The following CTNNBL1 variants were observed in gnomAD, a reference collection of about 807,000 sequenced individuals.
CTNNBL1 encodes the protein beta-catenin-like protein 1.
CTNNBL1 carries 31 observed loss-of-function variants against 72.7 expected under a neutral mutation model. That is an observed-to-expected ratio of 0.43 (90% CI 0.32 to 0.58). The LOEUF (loss-of-function observed/expected upper bound fraction) is 0.58, where lower values mean the gene tolerates loss of function less well. CTNNBL1 is among the 20% of genes least tolerant of loss of function. The pLI is 0.08. For synonymous variants in CTNNBL1, 240 were observed against 267.3 expected, an observed-to-expected ratio of 0.90 and a Z score of 1.00; for missense variants, 534 against 725.1, an observed-to-expected ratio of 0.74 and a Z score of 3.03.
At chr20:37,734,153 T>A (rs1003443517) in intron 2 of CTNNBL1, among the ~76,000 whole-genome samples, 1 of 152,218 alleles carries the variant, frequency 6.6e-6, no homozygotes, top group African/African-American at 2.4e-5. Context: ...CAAAATGAGG[T>A]TGGCTGTGAA....
chr20:37,803,147 G>T, intron 11 of CTNNBL1, 99 bp downstream of exon 11: 1 of 1,016,356 alleles, frequency 9.8e-7, no homozygotes. Context: ...GGGGGATAGA[G>T]GGGAAGAGTG....
chr20:37,826,344 A>T (rs2072159704), intron 11 of CTNNBL1, among the ~76,000 whole-genome samples: 2 of 152,252 alleles, frequency 1.3e-5, no homozygotes, highest in Non-Finnish European at 2.9e-5. Flanking sequence ...CAGTGAAAAC[A>T]AGTGAGTTAA....
At chr20:37,860,809 A>G (rs2072485037) in intron 15 of CTNNBL1, among the ~76,000 whole-genome samples, 1 of 152,236 alleles carries the variant, frequency 6.6e-6, no homozygotes, top group African/African-American at 2.4e-5. Flanking sequence ...GGCCACATTC[A>G]TATAACTTTT....
chr20:37,843,055 C>T (rs533574389), intron 13 of CTNNBL1, among the ~76,000 whole-genome samples: 1 of 152,312 alleles, frequency 6.6e-6, no homozygotes, highest in East Asian at 1.9e-4. Context: ...TGTTTTTCAC[C>T]TCCTTCCGTT....
intron 10 of CTNNBL1, among the ~76,000 whole-genome samples, chr20:37,794,524 G>T (rs1477729286): frequency 6.6e-6 from 1 of 152,004 alleles, no homozygotes; most frequent in African/African-American, 2.4e-5. Context: ...AGATAGTCTC[G>T]CTCTGTCACT....
chr20:37,803,816 T>C (rs1188615432), intron 11 of CTNNBL1, among the ~76,000 whole-genome samples: 1 of 151,774 alleles, frequency 6.6e-6, no homozygotes, highest in Non-Finnish European at 1.5e-5. Flanking sequence ...ACTGGCTCAT[T>C]TGGCTGTTTT....
intron 6 of CTNNBL1, 81 bp downstream of exon 6, chr20:37,765,371 A>G (rs999214111): frequency 3.3e-6 from 3 of 919,274 alleles, no homozygotes; most frequent in Admixed American, 4.0e-5. Flanking sequence ...TTCCTTCTTC[A>G]TAATAGAGTC....
intron 3 of CTNNBL1, among the ~76,000 whole-genome samples, chr20:37,745,848 C>T (rs1568761042): frequency 6.6e-6 from 1 of 152,126 alleles, no homozygotes; most frequent in Non-Finnish European, 1.5e-5. Flanking sequence ...TTCTTAGTGC[C>T]TGGGCATAGG....
rs535666882 is a variant in CTNNBL1 at position 37,859,926 on chromosome 20, G to A, written c.1420G>A (p.Asp474Asn). The change falls in exon 14 of 16, where the codon GAC (aspartate) becomes AAC (asparagine). Residue 474 changes from aspartate to asparagine, a missense_variant. Transcript: ENST00000361383. ...CATGGTCCGGCGAGGAGAGATCATC[G>A]ACAATGACACCGAGGAGGAGTTCTA... ...HDMVRRGEII[D>N]NDTEEEFYLR... The A allele has an allele frequency of 4.1e-5, 66 of 1,614,072 alleles. No individual in the cohort carries two copies. In the Middle Eastern group the frequency reaches 4.9e-4, roughly 12 times the overall value.
At position 37,803,047 on chromosome 20, in the gene CTNNBL1, A is replaced by C; in HGVS notation, c.1212A>C (p.Glu404Asp). 2.5e-6 allele frequency: 4 copies of C among 1,613,382 alleles called. No homozygotes were observed. The highest frequency in any genetic ancestry group is 3.4e-6 in the Non-Finnish European group (4 of 1,179,474). Reference sequence around the variant, plus strand: ...TGGGAACCACTGAGAAGGAACATGAAGGTAGGGTTCACTGGAGGAGTCAGC... The same window carrying C: ...TGGGAACCACTGAGAAGGAACATGACGGTAGGGTTCACTGGAGGAGTCAGC... ...KKVGTTEKEH[E>D]EHVCSILASL... The change falls in exon 11 of 16, where the codon GAA becomes GAC. Residue 404 changes from glutamate (E) to aspartate (D), a missense_variant and splice_region_variant. Glu to Asp is a conservative substitution (Grantham distance 45). Transcript: ENST00000361383.
At chr20:37,851,889 A>G (rs77902097) in intron 13 of CTNNBL1, among the ~76,000 whole-genome samples, 8,138 of 152,324 alleles carry the variant, frequency 0.053, 297 homozygotes, top group Middle Eastern at 0.068. Context: ...GCCTGGGACT[A>G]TGGAATCACA....
At chr20:37,714,997 G>A (rs546758276) in intron 1 of CTNNBL1, among the ~76,000 whole-genome samples, 14 of 152,190 alleles carry the variant, frequency 9.2e-5, no homozygotes, top group East Asian at 7.7e-4. Context: ...TCACCCCCCC[G>A]TTCACGTGAC....
At chr20:37,715,323 G>A (rs1369259234) in intron 1 of CTNNBL1, among the ~76,000 whole-genome samples, 1 of 152,164 alleles carries the variant, frequency 6.6e-6, no homozygotes, top group African/African-American at 2.4e-5. Flanking sequence ...TTCCTTACTT[G>A]TAGAAATGAA....
intron 4 of CTNNBL1, chr20:37,756,400 T>TTCTCTC (rs11468896): frequency 2.0e-5 from 3 of 148,456 alleles, no homozygotes; most frequent in African/African-American, 7.4e-5. Context: ...AGGTGTCTGT[T>TTCTCTC]TCTCTCTCTC....
At chr20:37,842,275 C>T in intron 12 of CTNNBL1, 64 bp from the exon 13 acceptor site, 4 of 1,101,290 alleles carry the variant, frequency 3.6e-6, no homozygotes, top group Non-Finnish European at 5.6e-6. Flanking sequence ...AATAGGAGTG[C>T]CACTGTTCTC....
intron 4 of CTNNBL1, among the ~76,000 whole-genome samples, chr20:37,755,795 G>C (rs1189431734): frequency 1.3e-5 from 2 of 152,118 alleles, no homozygotes; most frequent in Admixed American, 1.3e-4. Flanking sequence ...TAGTAGCTTT[G>C]GAATAGGTCT....
At chr20:37,713,884 T>C (rs1327441659) in intron 1 of CTNNBL1, among the ~76,000 whole-genome samples, 5 of 152,086 alleles carry the variant, frequency 3.3e-5, no homozygotes, top group Non-Finnish European at 7.4e-5. Flanking sequence ...CCAGGCTTTG[T>C]GCTGTTCGAC....
At chr20:37,704,185 T>C (rs539483148) in intron 1 of CTNNBL1, among the ~76,000 whole-genome samples, 9 of 152,298 alleles carry the variant, frequency 5.9e-5, no homozygotes, top group Admixed American at 3.3e-4. Context: ...CAGTTTTTGC[T>C]CTCCTGGAGC....
In CTNNBL1 at chr20:37,802,935, C is replaced by G; in HGVS notation, c.1100C>G (p.Thr367Arg). The change falls in exon 11 of 16, where the codon ACA becomes AGA. Residue 367 changes from threonine (T) to arginine (R), a missense_variant. By Grantham distance (71) the Thr-to-Arg change is moderately conservative (BLOSUM62 -1). Coordinates refer to ENST00000361383, the MANE Select transcript of CTNNBL1 (RefSeq NM_030877.5). ...CATGCCATGATTGGCCCCGAAGGCA[C>G]AGACAACTGCCATAAGTTTGTTGAC... The part of the protein sequence containing the change: ...LDHAMIGPEG[T>R]DNCHKFVDIL... 6.2e-7 allele frequency: 1 copy of G among 1,614,056 alleles called. No homozygotes were observed. Among genetic ancestry groups the G allele is most frequent in the Non-Finnish European group, 8.5e-7 (1 of 1,179,990 alleles).
Sources: gnomAD v4.1 joint callset for allele counts (sites outside exome capture counted in the v4.1 genomes callset) on GRCh38, gnomAD v4.1.1 for gene constraint, MANE v1.5 for transcripts, NCBI Gene and HGNC (gene_info 2026-07-23, HGNC 2026-07-21) for gene names.